FOXP2: variants seen among roughly 807,000 people sequenced by gnomAD.
FOXP2 encodes forkhead box protein P2.
A neutral mutation model predicts 115.8 loss-of-function variants in FOXP2; 12 were observed. The ratio of observed to expected loss-of-function variants is 0.10; its 90% CI spans 0.07 to 0.17. The LOEUF is 0.17. Among genes scored for constraint, FOXP2 ranks in the 10% least tolerant of loss-of-function variants. FOXP2 has a pLI of 1.00. For missense variants in FOXP2, 629 were observed against 843.5 expected (o/e 0.75, Z 3.15); for synonymous variants, 328 against 297.7 (o/e 1.10, Z -1.05).
At chr7:114,334,562 T>G (rs1182130335) in intron 2 of FOXP2, among the ~76,000 whole-genome samples, 1 of 151,638 alleles carries the variant, frequency 6.6e-6, no homozygotes, top group Non-Finnish European at 1.5e-5. Flanking sequence ...AAATCTAGTA[T>G]TTAGTTTGTG....
chr7:114,611,633 A>G (rs925995782), intron 3 of FOXP2, among the ~76,000 whole-genome samples: 2 of 152,178 alleles, frequency 1.3e-5, no homozygotes, highest in African/African-American at 4.8e-5. Context: ...AAATAACTAC[A>G]GGAAGTTTTC....
chr7:114,438,053 T>A (rs1487250640), intron 2 of FOXP2, among the ~76,000 whole-genome samples: 2 of 152,220 alleles, frequency 1.3e-5, no homozygotes, highest in African/African-American at 4.8e-5. Flanking sequence ...TGAAATATAT[T>A]ATTTGAAACC....
intron 2 of FOXP2, among the ~76,000 whole-genome samples, chr7:114,453,758 G>A (rs1795167223): frequency 6.6e-6 from 1 of 152,054 alleles, no homozygotes. Flanking sequence ...AGAAAAACAA[G>A]CAATGGGGAA....
intron 2 of FOXP2, among the ~76,000 whole-genome samples, chr7:114,394,260 CA>C (rs1436900932): frequency 6.6e-6 from 1 of 151,954 alleles, no homozygotes; most frequent in Non-Finnish European, 1.5e-5. Flanking sequence ...ACATAGAAAC[CA>C]ACTTGAAGAG....
At chr7:114,537,432 T>C (rs1799452726) in intron 3 of FOXP2, among the ~76,000 whole-genome samples, 1 of 151,528 alleles carries the variant, frequency 6.6e-6, no homozygotes, top group African/African-American at 2.4e-5. Context: ...TTTTATAAAG[T>C]TTGAAAGAAA....
intron 3 of FOXP2, chr7:114,538,237 C>A: frequency 2.0e-6 from 2 of 978,386 alleles, no homozygotes; most frequent in South Asian, 1.4e-5. Context: ...TTGTAAAATA[C>A]ATTTTCAATT....
intron 2 of FOXP2, among the ~76,000 whole-genome samples, chr7:114,289,075 C>A (rs967493084): frequency 3.3e-5 from 5 of 151,776 alleles, no homozygotes; most frequent in African/African-American, 1.2e-4. Flanking sequence ...AGATTTTTGT[C>A]AATGTTCTTT....
chr7:114,404,860 TA>T (rs1390818738), intron 2 of FOXP2, among the ~76,000 whole-genome samples: 7 of 152,126 alleles, frequency 4.6e-5, no homozygotes, highest in Admixed American at 1.3e-4. Context: ...TTTACCCTTT[TA>T]TTTTTTTTCT....
intron 1 of FOXP2, among the ~76,000 whole-genome samples, chr7:114,124,046 G>A (rs1791637411): frequency 6.6e-6 from 1 of 151,896 alleles, no homozygotes; most frequent in Non-Finnish European, 1.5e-5. Flanking sequence ...TTCCTTTTAT[G>A]GGTTTCTTTC....
intron 3 of FOXP2, among the ~76,000 whole-genome samples, chr7:114,559,457 G>T (rs1177389688): frequency 6.6e-6 from 1 of 152,170 alleles, no homozygotes; most frequent in East Asian, 1.9e-4. Flanking sequence ...TAACAAGGGT[G>T]CCAATTAGTG....
At chr7:114,091,960 G>GTA (rs2129139183) in intron 1 of FOXP2, among the ~76,000 whole-genome samples, 1 of 152,012 alleles carries the variant, frequency 6.6e-6, no homozygotes, top group Admixed American at 6.5e-5. Flanking sequence ...TATCTGCCAA[G>GTA]TATATCTAGA....
At chr7:114,519,992 A>T (rs1798535803) in intron 2 of FOXP2, among the ~76,000 whole-genome samples, 1 of 152,186 alleles carries the variant, frequency 6.6e-6, no homozygotes, top group Non-Finnish European at 1.5e-5. Context: ...AATATGTATG[A>T]TAAAACAGCT....
intron 1 of FOXP2, among the ~76,000 whole-genome samples, chr7:114,107,199 A>G (rs910696353): frequency 2.0e-5 from 3 of 152,014 alleles, no homozygotes; most frequent in African/African-American, 7.2e-5. Context: ...TTAGGAATTT[A>G]GGAAGCCAGT....
intron 3 of FOXP2, among the ~76,000 whole-genome samples, chr7:114,544,754 A>G (rs138022568): frequency 2.6e-5 from 4 of 152,302 alleles, no homozygotes; most frequent in Non-Finnish European, 5.9e-5. Context: ...TCTACATTCT[A>G]CCTTCTTCCC....
At chr7:114,395,237 A>G (rs910974514) in intron 2 of FOXP2, among the ~76,000 whole-genome samples, 1 of 152,234 alleles carries the variant, frequency 6.6e-6, no homozygotes, top group Non-Finnish European at 1.5e-5. Flanking sequence ...AAATAGCCAG[A>G]TATCCACAAA....
At chr7:114,105,558 T>C (rs1791088373) in intron 1 of FOXP2, among the ~76,000 whole-genome samples, 2 of 152,206 alleles carry the variant, frequency 1.3e-5, no homozygotes, top group South Asian at 2.1e-4. Context: ...ACTAGCCAGA[T>C]GCAGTTTCTT....
intron 1 of FOXP2, among the ~76,000 whole-genome samples, chr7:114,216,537 T>C (rs1211204152): frequency 6.6e-6 from 1 of 152,150 alleles, no homozygotes; most frequent in African/African-American, 2.4e-5. Flanking sequence ...ATATTGTATA[T>C]GTAATATATG....
At chr7:114,430,195 T>C (rs1436796810) in intron 2 of FOXP2, among the ~76,000 whole-genome samples, 6 of 151,758 alleles carry the variant, frequency 4.0e-5, no homozygotes, top group African/African-American at 7.2e-5. Context: ...CCTTAACTTA[T>C]TTTAACTTCC....
chr7:114,679,783 A>C (rs191549865), intron 16 of FOXP2, among the ~76,000 whole-genome samples: 19 of 152,278 alleles, frequency 1.2e-4, no homozygotes, highest in Admixed American at 1.2e-3. Flanking sequence ...ACTCTCCTTC[A>C]TAGAGCATTC....
Sources: gnomAD v4.1 joint callset for allele counts (sites outside exome capture counted in the v4.1 genomes callset) on GRCh38, gnomAD v4.1.1 for gene constraint, MANE v1.5 for transcripts, NCBI Gene and HGNC (gene_info 2026-07-23, HGNC 2026-07-21) for gene names.